UST: variants seen among roughly 807,000 people sequenced by gnomAD.
The protein encoded by UST is chondroitin sulfate 2-O-sulfotransferase.
In UST, 21 loss-of-function variants were observed where a neutral mutation model predicts 45.6. The ratio of observed to expected loss-of-function variants is 0.46; its 90% CI spans 0.33 to 0.66. UST has a LOEUF of 0.66. Ranked by LOEUF, UST falls within the 30% of genes least tolerant of loss-of-function variation. The pLI is 0.02. For missense variants in UST, 463 were observed against 512.4 expected (o/e 0.90, Z 0.93); for synonymous variants, 215 against 200.6 (o/e 1.07, Z -0.61).
At chr6:148,916,271 G>A (rs1022138088) in intron 2 of UST, among the ~76,000 whole-genome samples, 1 of 152,218 alleles carries the variant, frequency 6.6e-6, no homozygotes, top group Admixed American at 6.5e-5. Flanking sequence ...TAAGTAATTT[G>A]CCGAAAGGGA....
At chr6:148,911,689 C>T (rs1343173783) in intron 2 of UST, among the ~76,000 whole-genome samples, 1 of 150,628 alleles carries the variant, frequency 6.6e-6, no homozygotes, top group Non-Finnish European at 1.5e-5. Context: ...AAAAGAGAAA[C>T]AGAAGATAGA....
At chr6:148,835,501 T>G (rs550385744) in intron 1 of UST, among the ~76,000 whole-genome samples, 186 of 152,326 alleles carry the variant, frequency 1.2e-3, no homozygotes, top group African/African-American at 4.4e-3. Context: ...TGGTATTGAA[T>G]ATTAGTCCCT....
At chr6:149,034,822 T>C (rs888704824) in intron 7 of UST, among the ~76,000 whole-genome samples, 3 of 146,594 alleles carry the variant, frequency 2.0e-5, no homozygotes, top group Admixed American at 2.0e-4. Context: ...TTGGTTCTCA[T>C]ATTCATGCTC....
At chr6:148,947,617 T>C (rs1780271798) in intron 3 of UST, among the ~76,000 whole-genome samples, 1 of 152,248 alleles carries the variant, frequency 6.6e-6, no homozygotes, top group Non-Finnish European at 1.5e-5. Flanking sequence ...GAAGACTCCA[T>C]GCGTCCCTGA....
In UST at chr6:148,747,227, C is replaced by A; in HGVS notation, c.-204C>A. On this transcript the variant is annotated 5_prime_UTR_variant, in exon 1 of 8. Coordinates refer to ENST00000367463, the MANE Select transcript of UST (RefSeq NM_005715.3). ...CAGCGCCCCGAACCGGGGCCGGACA[C>A]CTCGGCCGCTCGGGCCGCGGCGGCG... is the stretch of plus-strand genomic sequence containing the variant. 1 of 485,936 alleles carries A rather than the reference C, an allele frequency of 2.1e-6. No individual in the cohort carries two copies. The highest frequency in any genetic ancestry group is 4.6e-5 in the Admixed American group (1 of 21,550). The allele number at this position is 485,936 out of a possible 1,614,324, so 30.1% of individuals were successfully genotyped here. A position where few individuals can be genotyped will look rare whatever the true frequency, so the allele number is the denominator to read the frequency against.
intron 7 of UST, among the ~76,000 whole-genome samples, chr6:149,053,316 G>T (rs1776515919): frequency 6.6e-6 from 1 of 152,126 alleles, no homozygotes; most frequent in Non-Finnish European, 1.5e-5. Context: ...GGTCTTGTTA[G>T]TCTGTTAAAA....
intron 1 of UST, among the ~76,000 whole-genome samples, chr6:148,871,626 C>T (rs181079026): frequency 6.6e-6 from 1 of 152,186 alleles, no homozygotes; most frequent in African/African-American, 2.4e-5. Context: ...GTGTAGTAAC[C>T]TTGGTAGGCT....
intron 2 of UST, among the ~76,000 whole-genome samples, chr6:148,913,878 C>T (rs9404002): frequency 0.4 from 60,406 of 151,658 alleles, 12,478 homozygotes; most frequent in South Asian, 0.58. Context: ...GCCCTATATA[C>T]ATTAATCTTC....
chr6:148,841,573 T>A (rs1777890921), intron 1 of UST, among the ~76,000 whole-genome samples: 1 of 142,472 alleles, frequency 7.0e-6, no homozygotes, highest in Admixed American at 7.2e-5. Flanking sequence ...CCCAAGGGGG[T>A]CTGTTTTGTT....
chr6:149,029,878 G>GTGTA (rs1469385056), intron 7 of UST, among the ~76,000 whole-genome samples: 1 of 150,154 alleles, frequency 6.7e-6, no homozygotes, highest in Non-Finnish European at 1.5e-5. Flanking sequence ...GTGTGTGTGT[G>GTGTA]TGTGTGTGTG....
At chr6:148,893,650 C>CAT (rs909522505) in intron 2 of UST, among the ~76,000 whole-genome samples, 1 of 152,304 alleles carries the variant, frequency 6.6e-6, no homozygotes, top group African/African-American at 2.4e-5. Context: ...TGTCAGGCCA[C>CAT]AGAATGCACA....
At chr6:149,005,257 T>G (rs1014704325) in intron 5 of UST, 38 of 983,246 alleles carry the variant, frequency 3.9e-5, no homozygotes, top group Non-Finnish European at 4.5e-5. Context: ...TATGTTGACG[T>G]TTCCTTTTAC....
At chr6:148,778,642 G>A (rs1776579645) in intron 1 of UST, among the ~76,000 whole-genome samples, 1 of 152,206 alleles carries the variant, frequency 6.6e-6, no homozygotes, top group Non-Finnish European at 1.5e-5. Context: ...CCCTGCATCA[G>A]TGTGGGGCCT....
rs559897536 is a variant in UST at position 148,948,418 on chromosome 6, T to C, written c.448-5454T>C. Among the ~76,000 whole-genome samples, 210 of 152,360 alleles carry C rather than the reference T, an allele frequency of 1.4e-3. 1 individual carries two copies. Among genetic ancestry groups the C allele is most frequent in the Non-Finnish European group, 2.3e-3 (155 of 68,040 alleles). On this transcript the variant is annotated intron_variant, in intron 3 of 7. Coordinates refer to ENST00000367463, the MANE Select transcript of UST (RefSeq NM_005715.3). ...AAGTCAGGAGCAAAGTCTGACTGTG[T>C]TGGTAGAACTGCAGGTAAAGGTTTT...
At chr6:148,946,336 C>A (rs1780234335) in intron 3 of UST, among the ~76,000 whole-genome samples, 1 of 151,760 alleles carries the variant, frequency 6.6e-6, no homozygotes, top group African/African-American at 2.4e-5. Context: ...CATGGTGAAA[C>A]CCTGTCTCTA....
At chr6:149,041,147 G>A (rs1159218113) in intron 7 of UST, among the ~76,000 whole-genome samples, 1 of 152,222 alleles carries the variant, frequency 6.6e-6, no homozygotes, top group Middle Eastern at 3.2e-3. Flanking sequence ...CACTTACTGT[G>A]GGCCAGACAG....
At chr6:148,955,860 T>C (rs1217240490) in intron 4 of UST, 1 of 152,196 alleles carries the variant, frequency 6.6e-6, no homozygotes, top group African/African-American at 2.4e-5. Flanking sequence ...GTCTGAACAG[T>C]GTAAAACACA....
At chr6:149,018,158 G>GA (rs1467357344) in intron 5 of UST, among the ~76,000 whole-genome samples, 11 of 152,224 alleles carry the variant, frequency 7.2e-5, no homozygotes, top group African/African-American at 2.6e-4. Flanking sequence ...TTGTTTTTAA[G>GA]AAAAAGCATA....
chr6:149,050,762 G>C (rs1776471435), intron 7 of UST, among the ~76,000 whole-genome samples: 1 of 152,178 alleles, frequency 6.6e-6, no homozygotes. Context: ...TGAGTTTTTA[G>C]AAAATAAATC....
Sources: allele counts gnomAD v4.1 joint callset (sites outside exome capture counted in the v4.1 genomes callset), GRCh38; gene constraint gnomAD v4.1.1; transcripts MANE v1.5; gene names NCBI Gene and HGNC (gene_info 2026-07-23, HGNC 2026-07-21).